The following ANKRD26 variants were observed in gnomAD, a reference collection of about 807,000 sequenced individuals.
The protein encoded by ANKRD26 is ankyrin repeat domain 26.
ANKRD26 carries 141 observed loss-of-function variants against 208.7 expected under a neutral mutation model. The ratio of observed to expected loss-of-function variants is 0.68; its 90% CI spans 0.59 to 0.78. The LOEUF (loss-of-function observed/expected upper bound fraction) is 0.78. ANKRD26 is among the 30% of genes least tolerant of loss of function. The pLI is 0.00. For synonymous variants in ANKRD26, 636 were observed against 660.4 expected (o/e 0.96, Z 0.57); for missense variants, 1,889 against 1,938.7 (o/e 0.97, Z 0.48).
At chr10:27,048,031 C>T (rs926219510) in intron 17 of ANKRD26, among the ~76,000 whole-genome samples, 8 of 152,042 alleles carry the variant, frequency 5.3e-5, no homozygotes, top group African/African-American at 1.2e-4. Context: ...CATGAGCCAC[C>T]GCACCTGGCC....
At chr10:26,958,073 T>TTATATATATATATATATATATATATATA in the ANKRD26 span, among the ~76,000 whole-genome samples, 7 of 144,208 alleles carry the variant, frequency 4.9e-5, no homozygotes, top group African/African-American at 5.1e-5. Context: ...TCACCCAGTT[T>TTATATATATATATATATATATATATATA]TATATATATA....
In ANKRD26 at chr10:27,052,981, T is replaced by G. The variant is rs566235638; in HGVS notation, c.1635+339A>C. ...GTGTTAAAATGTTCATAATTTCTAC[T>G]GCTTAATAATATGATTCAATATTTG... On this transcript the variant is annotated intron_variant, in intron 16 of 33. Coordinates refer to ENST00000376087, the MANE Select transcript of ANKRD26 (RefSeq NM_014915.3). 1.6e-3 allele frequency among the ~76,000 whole-genome samples: 245 copies of G among 152,300 alleles called. 2 individuals are homozygous for G. The highest frequency in any genetic ancestry group is 6.8e-4 in the Non-Finnish European group (46 of 67,990).
In ANKRD26 at chr10:27,063,905, C is replaced by T. The variant is rs571243354; in HGVS notation, c.1363+83G>A. ...TATGCATTTAATAGGTGATTTTCTT[C>T]GGCTATTAGAATATATCAACAGTCA... is the stretch of plus-strand genomic sequence containing the variant. On this transcript the variant is annotated intron_variant, in intron 12 of 33. Coordinates refer to ENST00000376087, the MANE Select transcript of ANKRD26 (RefSeq NM_014915.3). 890 of 1,121,774 alleles carry T rather than the reference C, an allele frequency of 7.9e-4. 16 individuals are homozygous for T. Among genetic ancestry groups the T allele is most frequent in the South Asian group, 7.4e-3 (563 of 76,304 alleles). The allele number at this position is 1,121,774 out of a possible 1,614,324, so 69.5% of individuals were successfully genotyped here.
chr10:27,038,028 T>G lies in ANKRD26; in HGVS notation c.2402A>C (p.Lys801Thr). The G allele has an allele frequency of 2.5e-6, 4 of 1,610,950 alleles. No individual in the cohort carries two copies. Among genetic ancestry groups the G allele is most frequent in the Non-Finnish European group, 2.5e-6 (3 of 1,179,592 alleles). The change falls in exon 22 of 34, where the codon AAG (lysine) becomes ACG (threonine). Residue 801 changes from lysine (K) to threonine (T), a missense_variant. Physicochemically the swap from Lys to Thr is moderately conservative, Grantham distance 78. Around this residue, in one of 3 missense-constraint regions of ANKRD26, gnomAD observed 1,272 missense variants for 1,273.8 expected, o/e 1.00. Coordinates refer to ENST00000376087, the MANE Select transcript of ANKRD26 (RefSeq NM_014915.3). ...LRFSLNQEEE[K>T]RRNADTLYEK... ...ATACAACGTATCAGCATTTCTTCTC[T>G]TCTCTTCTTCTTGGTTTAAGCTAAA...
chr10:27,006,285 G>A (rs954432656), intron 33 of ANKRD26, among the ~76,000 whole-genome samples: 3 of 152,222 alleles, frequency 2.0e-5, no homozygotes, highest in African/African-American at 4.8e-5. Flanking sequence ...GGAATTCCAC[G>A]TGGTCTAGGG....
chr10:27,066,542 A>G lies in ANKRD26; in HGVS notation c.1214T>C (p.Met405Thr). ...EVHKNNRSDM[M>T]SALGLGQEED... ...CTCTTGTCCTAATCCTAATGCGGAC[A>G]TCATATCTATCAAATGTGATACACA... The change falls in exon 11 of 34, where the codon ATG (methionine) becomes ACG (threonine). Residue 405 changes from methionine to threonine, a missense_variant. Met to Thr is a moderately conservative substitution (Grantham distance 81). This residue lies in a region of ANKRD26 where 1,272 missense variants were observed against 1,273.8 expected (regional missense o/e 1.00). Coordinates refer to ENST00000376087, the MANE Select transcript of ANKRD26 (RefSeq NM_014915.3). 6.3e-7 allele frequency: 1 copy of G among 1,595,120 alleles called. No homozygotes were observed.
At chr10:27,045,316 T>C (rs983439130) in intron 18 of ANKRD26, among the ~76,000 whole-genome samples, 2 of 151,840 alleles carry the variant, frequency 1.3e-5, no homozygotes, top group Non-Finnish European at 2.9e-5. Context: ...TCTAGCTACT[T>C]GGGAGGCTGA....
At chr10:26,977,246 T>C (rs1044068876) in intron 5 of ANKRD26, among the ~76,000 whole-genome samples, 23 of 152,224 alleles carry the variant, frequency 1.5e-4, no homozygotes, top group African/African-American at 5.3e-4. Context: ...TACCCGTGTA[T>C]TCCCTAGGAG....
chr10:27,051,023 GA>G (rs1023682192), intron 16 of ANKRD26: 23 of 1,193,050 alleles, frequency 1.9e-5, no homozygotes, highest in Non-Finnish European at 2.3e-5. Context: ...AATTGATAGA[GA>G]AAAAAACAAA....
chr10:27,073,352 C>T (rs762181962), intron 9 of ANKRD26, among the ~76,000 whole-genome samples: 1 of 152,222 alleles, frequency 6.6e-6, no homozygotes, highest in Non-Finnish European at 1.5e-5. Context: ...CTTCCTGAAG[C>T]ACTTCAGGGT....
At chr10:27,022,432 T>C in intron 29 of ANKRD26, 126 bp downstream of exon 29, 1 of 726,310 alleles carries the variant, frequency 1.4e-6, no homozygotes, top group South Asian at 2.0e-5. Flanking sequence ...AAAAAAAGTT[T>C]TTTTATTAGT....
chr10:26,962,776 T>G, the ANKRD26 span, among the ~76,000 whole-genome samples: 2 of 151,952 alleles, frequency 1.3e-5, no homozygotes, highest in African/African-American at 2.4e-5. Flanking sequence ...AAAAAAGCTG[T>G]GTATGGAACA....
At chr10:27,098,966 T>G (rs1410875948) in intron 1 of ANKRD26, among the ~76,000 whole-genome samples, 1 of 152,174 alleles carries the variant, frequency 6.6e-6, no homozygotes, top group Non-Finnish European at 1.5e-5. Context: ...CCAATACACT[T>G]CTGTATCTAT....
chr10:27,084,543 T>C (rs974903669), intron 5 of ANKRD26, among the ~76,000 whole-genome samples: 1 of 152,186 alleles, frequency 6.6e-6, no homozygotes, highest in African/African-American at 2.4e-5. Context: ...TGGTGTCACA[T>C]CCAGGTAGCA....
At chr10:27,073,433 C>T (rs1564414616) in intron 9 of ANKRD26, among the ~76,000 whole-genome samples, 1 of 152,184 alleles carries the variant, frequency 6.6e-6, no homozygotes, top group South Asian at 2.1e-4. Context: ...CTATATGGAA[C>T]ATCAGTATTC....
At chr10:27,003,329 C>T, downstream of ANKRD26, among the ~76,000 whole-genome samples, 1 of 152,100 alleles carries the variant, frequency 6.6e-6, no homozygotes, top group Non-Finnish European at 1.5e-5. Flanking sequence ...AGTAAGCTTT[C>T]CCTTCTCCCC....
At chr10:27,052,825 G>A (rs1190894083) in intron 16 of ANKRD26, among the ~76,000 whole-genome samples, 1 of 152,066 alleles carries the variant, frequency 6.6e-6, no homozygotes, top group Non-Finnish European at 1.5e-5. Context: ...TGTAGACACT[G>A]AAATCAACAG....
intron 5 of ANKRD26, among the ~76,000 whole-genome samples, chr10:27,084,362 C>T (rs2056039448): frequency 6.6e-6 from 1 of 151,690 alleles, no homozygotes; most frequent in Non-Finnish European, 1.5e-5. Context: ...ATTGAAAAAA[C>T]ACAAATGAAA....
chr10:26,965,449 AC>A, the ANKRD26 span, among the ~76,000 whole-genome samples: 1 of 152,320 alleles, frequency 6.6e-6, no homozygotes, highest in East Asian at 1.9e-4. Context: ...CAGAAACTGG[AC>A]CCCTTCCTTA....
Sources: gnomAD v4.1 joint callset for allele counts (sites outside exome capture counted in the v4.1 genomes callset) on GRCh38, gnomAD v4.1.1 for gene constraint, gnomAD v4.1.1 regional missense constraint, MANE v1.5 for transcripts, NCBI Gene and HGNC (gene_info 2026-07-23, HGNC 2026-07-21) for gene names.